Variants in SLC39A11 observed in about 807,000 individuals in gnomAD.
SLC39A11 encodes zinc transporter ZIP11.
A neutral mutation model predicts 36.1 loss-of-function variants in SLC39A11; 33 were observed. The ratio of observed to expected loss-of-function variants is 0.91; its 90% confidence interval spans 0.69 to 1.22. The LOEUF (loss-of-function observed/expected upper bound fraction) is 1.22, where lower values mean the gene tolerates loss of function less well. Among genes scored for constraint, SLC39A11 ranks in the 50% most tolerant of loss-of-function variants. SLC39A11 has a pLI of 0.00. For synonymous variants in SLC39A11, 166 were observed against 170.3 expected (o/e 0.97, Z 0.20); for missense variants, 432 against 430.3 (o/e 1.00, Z -0.03).
chr17:72,811,762 T>C (rs1013646075), intron 6 of SLC39A11, among the ~76,000 whole-genome samples: 1 of 152,218 alleles, frequency 6.6e-6, no homozygotes, highest in Non-Finnish European at 1.5e-5. Flanking sequence ...ACAAAAATAT[T>C]CTCTTTCCTC....
At position 72,656,861 on chromosome 17, in the gene SLC39A11, A is replaced by C. The variant is rs547550603; in HGVS notation, c.672-7593T>G. Among the ~76,000 whole-genome samples, 3 of 152,140 alleles carry C rather than the reference A, an allele frequency of 2.0e-5. No homozygotes were observed. In the South Asian group the frequency reaches 6.2e-4, roughly 32 times the overall value. On this transcript the variant is annotated intron_variant, in intron 7 of 9. Coordinates refer to ENST00000255559, the MANE Select transcript of SLC39A11 (RefSeq NM_139177.4). ...TTTTATTATTTTTTTTAAACATCGAAGGCCGGGCATGGTGGCTCACACCTG... is the reference window on the plus strand; with the variant it reads ...TTTTATTATTTTTTTTAAACATCGACGGCCGGGCATGGTGGCTCACACCTG...
intron 6 of SLC39A11, among the ~76,000 whole-genome samples, chr17:72,847,676 T>C (rs1433877925): frequency 1.3e-5 from 2 of 152,114 alleles, no homozygotes; most frequent in Non-Finnish European, 2.9e-5. Context: ...ATATAATATG[T>C]ATTAGAATTT....
chr17:72,743,072 C>T (rs4793308), intron 6 of SLC39A11, among the ~76,000 whole-genome samples: 39,542 of 152,142 alleles, frequency 0.26, 6,088 homozygotes, highest in African/African-American at 0.42. Context: ...CTTGGAGTAG[C>T]TTAGCTCACA....
intron 5 of SLC39A11, among the ~76,000 whole-genome samples, chr17:72,932,282 G>T (rs75760971): frequency 0.027 from 3,409 of 127,238 alleles, 128 homozygotes; most frequent in African/African-American, 0.13. Context: ...CCTGAAGAAT[G>T]ACCTGTTCTT....
intron 4 of SLC39A11, among the ~76,000 whole-genome samples, chr17:72,958,332 A>G (rs760701871): frequency 3.4e-4 from 52 of 152,268 alleles, no homozygotes; most frequent in Non-Finnish European, 5.9e-4. Context: ...ACCCAAAAGC[A>G]AATGCAATAA....
intron 4 of SLC39A11, among the ~76,000 whole-genome samples, chr17:72,966,035 G>A (rs7220552): frequency 1.3e-5 from 2 of 152,182 alleles, no homozygotes; most frequent in Non-Finnish European, 2.9e-5. Context: ...TGTAGAAGTC[G>A]TAGCACACCT....
At chr17:73,089,972 T>C (rs889418460) in intron 1 of SLC39A11, among the ~76,000 whole-genome samples, 1 of 152,190 alleles carries the variant, frequency 6.6e-6, no homozygotes, top group Non-Finnish European at 1.5e-5. Context: ...TGAAAAGCCC[T>C]GTGTTCTGGT....
At chr17:72,944,249 G>A (rs1441161647) in intron 5 of SLC39A11, among the ~76,000 whole-genome samples, 4 of 152,132 alleles carry the variant, frequency 2.6e-5, no homozygotes, top group South Asian at 2.1e-4. Flanking sequence ...TGTGTGCATC[G>A]GGCAGCAAGC....
rs925634788 is a variant in SLC39A11 at position 72,965,130 on chromosome 17, G to A, written c.307-17255C>T. Reference sequence around the variant, plus strand: ...GGGGAAGGGGGGAGGGAAAGCATTAGGAGATATACCTAATGTTAAGTGACG... The same window carrying A: ...GGGGAAGGGGGGAGGGAAAGCATTAAGAGATATACCTAATGTTAAGTGACG... On this transcript the variant is annotated intron_variant, in intron 4 of 9. Transcript: ENST00000255559. Among the ~76,000 whole-genome samples, 150 of 152,236 alleles carry A rather than the reference G, an allele frequency of 9.9e-4. 1 individual carries two copies. Among genetic ancestry groups the A allele is most frequent in the African/African-American group, 3.5e-3 (147 of 41,512 alleles).
intron 5 of SLC39A11, among the ~76,000 whole-genome samples, chr17:72,939,199 G>A (rs1264778952): frequency 3.3e-5 from 5 of 152,164 alleles, no homozygotes; most frequent in East Asian, 1.9e-4. Context: ...GGTGGCTCAC[G>A]CCTATAATCC....
At chr17:72,961,771 A>G (rs118068699) in intron 4 of SLC39A11, among the ~76,000 whole-genome samples, 7,628 of 152,222 alleles carry the variant, frequency 0.05, 210 homozygotes, top group Non-Finnish European at 0.061. Flanking sequence ...ATAATATTAA[A>G]AGAAATACCT....
intron 7 of SLC39A11, among the ~76,000 whole-genome samples, chr17:72,722,955 T>G (rs2073762171): frequency 1.3e-5 from 2 of 152,200 alleles, no homozygotes; most frequent in Admixed American, 1.3e-4. Context: ...AGAAGGGTGA[T>G]CTCTCATAAA....
chr17:73,030,935 T>TA (rs927675086), intron 4 of SLC39A11, among the ~76,000 whole-genome samples: 1 of 152,190 alleles, frequency 6.6e-6, no homozygotes, highest in African/African-American at 2.4e-5. Flanking sequence ...CATATGTCAG[T>TA]AAAAAAGCCT....
chr17:72,675,514 A>C (rs921519438), intron 7 of SLC39A11, among the ~76,000 whole-genome samples: 1 of 151,966 alleles, frequency 6.6e-6, no homozygotes, highest in Admixed American at 6.6e-5. Flanking sequence ...TAATCTCCCA[A>C]CCTCCCCTTC....
chr17:73,091,388 G>A (rs780004574), intron 1 of SLC39A11, among the ~76,000 whole-genome samples: 7 of 152,042 alleles, frequency 4.6e-5, no homozygotes, highest in Admixed American at 1.3e-4. Context: ...AGGTTGCAGT[G>A]AGCCGAGATC....
rs182234709 is a variant in SLC39A11, at chr17:72,910,783, C to T, written c.430+36969G>A. 6.6e-3 allele frequency among the ~76,000 whole-genome samples: 994 copies of T among 151,572 alleles called. 7 individuals carry two copies. The highest frequency in any genetic ancestry group is 0.013 in the African/African-American group (538 of 41,290). ...CTCTACTAAAAATATAAAAAATAGC[C>T]GGGCGTGATGGCAGGCACCTTTAAT... On this transcript the variant is annotated intron_variant, in intron 5 of 9. Coordinates refer to ENST00000255559, the MANE Select transcript of SLC39A11 (RefSeq NM_139177.4).
At chr17:72,908,392 A>C (rs1250102254) in intron 5 of SLC39A11, among the ~76,000 whole-genome samples, 1 of 152,246 alleles carries the variant, frequency 6.6e-6, no homozygotes, top group South Asian at 2.1e-4. Context: ...TCGCTGCTGC[A>C]ACCTGCTAGC....
rs1555680975 is a variant in SLC39A11 at position 73,020,691 on chromosome 17, T to TTTC, written c.306+10864_306+10865insGAA. Among the ~76,000 whole-genome samples the TTTC allele has an allele frequency of 3.9e-3, 526 of 136,194 alleles. 19 individuals carry two copies. Among genetic ancestry groups the TTTC allele is most frequent in the African/African-American group, 0.014 (504 of 36,628 alleles). The allele number at this position is 136,194 out of a possible 152,430, so 89.3% of individuals were successfully genotyped here. A position where few individuals can be genotyped will look rare whatever the true frequency, so the allele number is the denominator to read the frequency against. On this transcript the variant is annotated intron_variant, in intron 4 of 9. Transcript: ENST00000255559. ...CTTTTTGTTTCTTTCTTTTTTTTTT[T>TTTC]TTTTTTTTTTGAGACGGAGTCTCAC...
intron 7 of SLC39A11, among the ~76,000 whole-genome samples, chr17:72,683,069 G>A (rs1271893505): frequency 2.0e-5 from 3 of 152,198 alleles, no homozygotes; most frequent in Admixed American, 2.0e-4. Context: ...CTGTCATGTG[G>A]CAAGGTATCA....
Sources: allele counts gnomAD v4.1 joint callset (sites outside exome capture counted in the v4.1 genomes callset), GRCh38; gene constraint gnomAD v4.1.1; transcripts MANE v1.5; gene names NCBI Gene and HGNC (gene_info 2026-07-23, HGNC 2026-07-21).